The following SIVA1 variants were observed in gnomAD, a reference collection of about 807,000 sequenced individuals.
The protein encoded by SIVA1 is SIVA1 apoptosis inducing factor.
Under a neutral mutation model 19.7 loss-of-function variants are expected in SIVA1, and 10 were observed. That is an observed-to-expected ratio of 0.51 (90% CI 0.31 to 0.86). The LOEUF is 0.86. SIVA1 is among the 40% of genes least tolerant of loss of function. The pLI is 0.04. For missense variants in SIVA1, 241 were observed against 245.2 expected (o/e 0.98, Z 0.11); for synonymous variants, 130 against 106.1 (o/e 1.23, Z -1.39).
intron 1 of SIVA1, chr14:104,753,957 G>A: frequency 6.3e-6 from 2 of 316,142 alleles, no homozygotes; most frequent in East Asian, 8.8e-5. Context: ...GCGGAATCCT[G>A]TGGGGGCGAG....
Position 104,755,824 on chromosome 14 carries a change from G to A in SIVA1, c.313G>A (p.Asp105Asn), listed in dbSNP as rs774998868. The A allele has an allele frequency of 6.2e-7, 1 of 1,613,006 alleles. No individual in the cohort carries two copies. The highest frequency in any genetic ancestry group is 8.5e-7 in the Non-Finnish European group (1 of 1,179,622). Residue 105 changes from aspartate to asparagine, a missense_variant and splice_region_variant, in exon 2 of 4, where the codon GAC becomes AAC. By Grantham distance (23) the Asp-to-Asn change is conservative. Transcript: ENST00000329967. Reference sequence around the variant, plus strand: ...GAGCCTTGGGCAGGCCTCCGAAGCTGGTGAGTGGCACCAGCAGCCCTTTGT... The same window carrying A: ...GAGCCTTGGGCAGGCCTCCGAAGCTAGTGAGTGGCACCAGCAGCCCTTTGT... Reference protein sequence around the residue: ...IRSLGQASEADPSGVASIACS... With the variant: ...IRSLGQASEANPSGVASIACS...
At chr14:104,756,023 A>G in intron 2 of SIVA1, 199 bp downstream of exon 2, 1 of 691,750 alleles carries the variant, frequency 1.4e-6, no homozygotes, top group Middle Eastern at 2.6e-4. Context: ...ACAGCTTCTA[A>G]GTACTGGGCC....
intron 2 of SIVA1, chr14:104,756,228 C>T (rs556307612): frequency 9.1e-6 from 4 of 438,586 alleles, no homozygotes; most frequent in African/African-American, 8.0e-5. Context: ...AGGAGGAGCC[C>T]AGGCACCTCT....
intron 3 of SIVA1, chr14:104,757,130 C>G (rs1455594628): frequency 2.9e-6 from 1 of 344,974 alleles, no homozygotes; most frequent in Non-Finnish European, 5.6e-6. Flanking sequence ...CGCAGCTTCA[C>G]CACAGTCATG....
rs539577951 is a variant in SIVA1 at position 104,759,642 on chromosome 14, CTT to C, written c.*159_*160del. On this transcript the variant is annotated 3_prime_UTR_variant, in exon 4 of 4. Coordinates refer to ENST00000329967, the MANE Select transcript of SIVA1 (RefSeq NM_006427.4). The surrounding 1 kb of genome is among the most constrained non-coding windows in gnomAD (Gnocchi z 4.2). ...TCCTAATGACAGAATGAATAAACCTCTTTATATTTGCACAAGAGGACTCTTGT... is the reference window on the plus strand; with the variant it reads ...TCCTAATGACAGAATGAATAAACCTCTATATTTGCACAAGAGGACTCTTGT... 1.5e-4 allele frequency: 83 copies of C among 560,010 alleles called. No individual in the cohort carries two copies. The East Asian group carries it at 2.5e-3, about 17-fold the overall frequency. The allele number at this position is 560,010 out of a possible 1,614,324, so 34.7% of individuals were successfully genotyped here.
chr14:104,759,437 C>T lies in SIVA1; in HGVS notation c.480C>T (p.Asp160=). 6.2e-7 allele frequency: 1 copy of T among 1,613,250 alleles called. No homozygotes were observed. The highest frequency in any genetic ancestry group is 8.5e-7 in the Non-Finnish European group (1 of 1,179,802). The change falls in exon 4 of 4, where the codon GAC becomes GAT. Residue 160 remains aspartate (D), a synonymous_variant. Transcript: ENST00000329967. The surrounding 1 kb of genome is among the most constrained non-coding windows in gnomAD (Gnocchi z 4.2). ...CTLCGLVDCS[D]MYEKVLCTSC... is the part of the protein sequence containing the mutation. ...CCTGACGCTGTCGCAGCTGCAGTGACATGTACGAGAAAGTGCTGTGCACCA... is the reference window on the plus strand; with the variant it reads ...CCTGACGCTGTCGCAGCTGCAGTGATATGTACGAGAAAGTGCTGTGCACCA...
chr14:104,753,155 T>A lies in SIVA1; in HGVS notation c.-47T>A, dbSNP rs767581374. 2.2e-5 allele frequency: 28 copies of A among 1,279,728 alleles called. No homozygotes were observed. In the South Asian group the frequency reaches 3.3e-4, roughly 15 times the overall value. The allele number at this position is 1,279,728 out of a possible 1,614,324, so 79.3% of individuals were successfully genotyped here. On this transcript the variant is annotated 5_prime_UTR_variant, in exon 1 of 4. Transcript: ENST00000329967. The stretch of plus-strand genomic sequence containing the variant: ...AGCTGTGACGTCACGGCGTCGTTGG[T>A]AAGGGGCTGGCGGCCGGGGAGCTGC...
In SIVA1 at chr14:104,753,173, G is replaced by A. The variant is rs752346958; in HGVS notation, c.-29G>A. On this transcript the variant is annotated 5_prime_UTR_variant, in exon 1 of 4. Coordinates refer to ENST00000329967, the MANE Select transcript of SIVA1 (RefSeq NM_006427.4). ...TCGTTGGTAAGGGGCTGGCGGCCGG[G>A]GAGCTGCGTAGCTCCCGGCCCCGCG... 9.7e-6 allele frequency: 14 copies of A among 1,442,640 alleles called. 1 individual carries two copies. Among genetic ancestry groups the A allele is most frequent in the South Asian group, 4.8e-5 (4 of 83,578 alleles). 89.4% of individuals were successfully genotyped at this position (1,442,640 alleles called of 1,614,324 possible).
chr14:104,755,763 G>T lies in SIVA1; in HGVS notation c.252G>T (p.Gly84=). ...GPTGAPRAAR[G]QMLIGPDGRL... ...CAGGGGCCCCGAGGGCTGCACGTGG[G>T]CAGATGCTGATTGGACCAGACGGCC... is the stretch of plus-strand genomic sequence containing the variant. The change falls in exon 2 of 4, where the codon GGG becomes GGT. Residue 84 remains glycine (G), a synonymous_variant. Coordinates refer to ENST00000329967, the MANE Select transcript of SIVA1 (RefSeq NM_006427.4). The T allele has an allele frequency of 6.2e-7, 1 of 1,614,108 alleles. No homozygotes were observed. The highest frequency in any genetic ancestry group is 8.5e-7 in the Non-Finnish European group (1 of 1,180,020).
chr14:104,759,392 A>G lies in SIVA1; in HGVS notation c.471-36A>G. The G allele has an allele frequency of 6.3e-7, 1 of 1,596,794 alleles. No individual in the cohort carries two copies. Among genetic ancestry groups the G allele is most frequent in the Non-Finnish European group, 8.6e-7 (1 of 1,167,428 alleles). ...TGGTGGACACAATTCAGCCCCTGAC[A>G]GCAGCTTTTCTCTCCCCTCCCTGAC... On this transcript the variant is annotated intron_variant, in intron 3 of 3. Coordinates refer to ENST00000329967, the MANE Select transcript of SIVA1 (RefSeq NM_006427.4). This position sits in a 1 kb window ranked among gnomAD's most constrained non-coding sequence, Gnocchi z 4.2.
At chr14:104,757,041 C>T (rs12587535) in intron 3 of SIVA1, 33,392 of 496,062 alleles carry the variant, frequency 0.067, 1,393 homozygotes, top group South Asian at 0.097. Flanking sequence ...TTTGAGCACC[C>T]CCACCTCCTC....
At chr14:104,756,055 C>A (rs534656080) in intron 2 of SIVA1, 2 of 654,872 alleles carry the variant, frequency 3.1e-6, no homozygotes, top group Non-Finnish European at 5.5e-6. Flanking sequence ...AGAGACTCCC[C>A]GGGTATCCCG....
At chr14:104,757,212 T>G (rs1891922687) in intron 3 of SIVA1, 1 of 370,968 alleles carries the variant, frequency 2.7e-6, no homozygotes, top group Non-Finnish European at 5.4e-6. Flanking sequence ...TGTGGGTGGG[T>G]TTGCTGCAGC....
intron 2 of SIVA1, chr14:104,756,056 G>A (rs748066495): frequency 1.5e-5 from 10 of 655,776 alleles, no homozygotes; most frequent in South Asian, 7.9e-5. Flanking sequence ...GAGACTCCCC[G>A]GGTATCCCGT....
In SIVA1 at chr14:104,756,622, C is replaced by T. The variant is rs1341256479; in HGVS notation, c.332C>T (p.Ser111Phe). The T allele has an allele frequency of 4.0e-5, 65 of 1,614,098 alleles. No individual in the cohort carries two copies. The highest frequency in any genetic ancestry group is 5.4e-5 in the Non-Finnish European group (64 of 1,180,042). The change falls in exon 3 of 4, where the codon TCC becomes TTC. Residue 111 changes from serine to phenylalanine, a missense_variant. Coordinates refer to ENST00000329967, the MANE Select transcript of SIVA1 (RefSeq NM_006427.4). Reference sequence around the variant, plus strand: ...CTCACAGACCCATCTGGGGTAGCGTCCATTGCCTGTTCCTCATGCGTGCGA... The same window carrying T: ...CTCACAGACCCATCTGGGGTAGCGTTCATTGCCTGTTCCTCATGCGTGCGA... ...ASEADPSGVA[S>F]IACSSCVRAV...
intron 1 of SIVA1, among the ~76,000 whole-genome samples, chr14:104,755,353 G>A (rs1234099057): frequency 6.6e-6 from 1 of 152,200 alleles, no homozygotes. Context: ...GATAGGAGAG[G>A]GAACCCTTGC....
In SIVA1 at chr14:104,759,436, AC is replaced by A. The variant is rs1226025130; in HGVS notation, c.480del (p.Asp160GlufsTer66). 4 of 1,613,298 alleles carry A rather than the reference AC, an allele frequency of 2.5e-6. No individual in the cohort carries two copies. The highest frequency in any genetic ancestry group is 3.4e-6 in the Non-Finnish European group (4 of 1,179,822). ...CTLCGLVDCS[D>X]MYEKVLCTSC... ...CCCTGACGCTGTCGCAGCTGCAGTG[AC>A]ATGTACGAGAAAGTGCTGTGCACCA... is the stretch of plus-strand genomic sequence containing the variant. On this transcript the variant is annotated frameshift_variant, in exon 4 of 4. Transcript: ENST00000329967. LOFTEE classifies it high-confidence loss of function. This position sits in a 1 kb window ranked among gnomAD's most constrained non-coding sequence, Gnocchi z 4.2.
At chr14:104,756,888 T>C in intron 3 of SIVA1, 128 bp downstream of exon 3, 5 of 1,067,250 alleles carry the variant, frequency 4.7e-6, no homozygotes, top group African/African-American at 1.6e-5. Flanking sequence ...CCATCTGGCA[T>C]TGCCTAACGG....
chr14:104,755,452 A>G (rs1487816384), intron 1 of SIVA1, among the ~76,000 whole-genome samples, 178 bp from the exon 2 acceptor site: 2 of 152,196 alleles, frequency 1.3e-5, no homozygotes, highest in African/African-American at 4.8e-5. Flanking sequence ...AAGCATTCTC[A>G]GCATAGAGGC....
Sources: allele counts gnomAD v4.1 joint callset (sites outside exome capture counted in the v4.1 genomes callset), GRCh38; gene constraint gnomAD v4.1.1; non-coding constraint Gnocchi (gnomAD v3.1); transcripts MANE v1.5; gene names NCBI Gene and HGNC (gene_info 2026-07-23, HGNC 2026-07-21).